CATSPER2: variants seen among roughly 807,000 people sequenced by gnomAD.
CATSPER2 encodes cation channel sperm associated 2.
CATSPER2 carries 56 observed loss-of-function variants against 68.8 expected under a neutral mutation model. The observed-to-expected ratio is 0.81, with a 90% CI of 0.66 to 1.02. The LOEUF is 1.02. Ranked by LOEUF, CATSPER2 falls within the 50% of genes least tolerant of loss-of-function variation. The probability of loss-of-function intolerance (pLI) is 0.00; values close to 1 mark genes in which losing one functional copy is unlikely to be tolerated. For synonymous variants in CATSPER2, 198 were observed against 229.9 expected, an observed-to-expected ratio of 0.86 and a Z score of 1.26; for missense variants, 582 against 642.0, an observed-to-expected ratio of 0.91 and a Z score of 1.01.
intron 4 of CATSPER2, among the ~76,000 whole-genome samples, chr15:43,643,383 ACT>A (rs1442748108): frequency 1.3e-5 from 2 of 150,948 alleles, no homozygotes; most frequent in African/African-American, 4.9e-5. Context: ...ATTCCCACTC[ACT>A]CTGTCGCCCA....
intron 11 of CATSPER2, 170 bp downstream of exon 11, chr15:43,632,547 C>A (rs2085893565): frequency 7.5e-6 from 11 of 1,462,022 alleles, no homozygotes; most frequent in Non-Finnish European, 1.0e-5. Flanking sequence ...GCCACACTTA[C>A]CCGAAGTGAA....
intron 4 of CATSPER2, among the ~76,000 whole-genome samples, chr15:43,641,015 T>C (rs2086062822): frequency 6.6e-6 from 1 of 151,990 alleles, no homozygotes; most frequent in African/African-American, 2.4e-5. Flanking sequence ...TTTAAAACTT[T>C]TCCTTTCTTC....
intron 4 of CATSPER2, among the ~76,000 whole-genome samples, chr15:43,644,696 T>C (rs2141578074): frequency 6.6e-6 from 1 of 152,100 alleles, no homozygotes; most frequent in South Asian, 2.1e-4. Flanking sequence ...GAGAATCTAA[T>C]GCCTGATGAT....
rs28494549 is a variant in CATSPER2, at chr15:43,647,975, A to C, written c.87T>G (p.Ile29Met). The C allele has an allele frequency of 3.1e-6, 5 of 1,613,586 alleles. No homozygotes were observed. The highest frequency in any genetic ancestry group is 2.7e-5 in the African/African-American group (2 of 74,852). Residue 29 changes from isoleucine to methionine, a missense_variant, in exon 2 of 13, where the codon ATT becomes ATG. Coordinates refer to ENST00000396879, the MANE Select transcript of CATSPER2 (RefSeq NM_172095.4). Reference protein sequence around the residue: ...RSRLIDTFSLIEHLQGLSQAV... With the variant: ...RSRLIDTFSLMEHLQGLSQAV... The stretch of plus-strand genomic sequence containing the variant: ...CTTGGCTCAAGCCTTGCAAATGCTC[A>C]ATGAGAGAGAAAGTATCGATGAGAC...
At chr15:43,647,570 C>T in intron 2 of CATSPER2, 103 bp from the exon 3 acceptor site, 2 of 1,064,426 alleles carry the variant, frequency 1.9e-6, no homozygotes, top group Non-Finnish European at 2.9e-6. Context: ...CCCCTAATGC[C>T]TTACTGCTAG....
At chr15:43,648,175 G>A (rs1264726142) in intron 1 of CATSPER2, 112 bp from the exon 2 acceptor site, 1 of 1,259,614 alleles carries the variant, frequency 7.9e-7, no homozygotes, top group East Asian at 2.3e-5. Context: ...ATTCCTTAAT[G>A]TACCCACATC....
chr15:43,637,589 T>C (rs1167222740), intron 7 of CATSPER2: 12 of 152,004 alleles, frequency 7.9e-5, no homozygotes, highest in Admixed American at 7.9e-4. Flanking sequence ...AAAATTCAAG[T>C]TGATTTTCTT....
In CATSPER2 at chr15:43,640,530, A is replaced by C. The variant is rs754276323; in HGVS notation, c.389-34T>G. 40 of 1,612,676 alleles carry C rather than the reference A, an allele frequency of 2.5e-5. No individual in the cohort carries two copies. In the African/African-American group the frequency reaches 4.7e-4, roughly 19 times the overall value. Reference sequence around the variant, plus strand: ...ATAGAGCAAAGGAGGAATAAAAGTTAAGGAAGCTGGAAACCGAATGATGGA... The same window carrying C: ...ATAGAGCAAAGGAGGAATAAAAGTTCAGGAAGCTGGAAACCGAATGATGGA... On this transcript the variant is annotated intron_variant, in intron 4 of 12. Coordinates refer to ENST00000396879, the MANE Select transcript of CATSPER2 (RefSeq NM_172095.4).
intron 10 of CATSPER2, 180 bp from the exon 11 acceptor site, chr15:43,633,114 T>G (rs2085905084): frequency 3.3e-6 from 3 of 907,354 alleles, no homozygotes; most frequent in Non-Finnish European, 4.7e-6. Flanking sequence ...CATCCTTAAC[T>G]CTTCTCTCCC....
At chr15:43,643,742 T>C (rs1475779343) in intron 4 of CATSPER2, among the ~76,000 whole-genome samples, 1 of 152,042 alleles carries the variant, frequency 6.6e-6, no homozygotes, top group Non-Finnish European at 1.5e-5. Flanking sequence ...CCAAAAACTT[T>C]ATATAGCACA....
At chr15:43,646,307 A>G (rs1342050358) in intron 4 of CATSPER2, among the ~76,000 whole-genome samples, 2 of 149,806 alleles carry the variant, frequency 1.3e-5, no homozygotes, top group Non-Finnish European at 3.0e-5. Flanking sequence ...TTTTTTTGAG[A>G]TGGGGTGCAG....
At chr15:43,648,113 C>T (rs747909781) in intron 1 of CATSPER2, 50 bp from the exon 2 acceptor site, 9 of 1,603,264 alleles carry the variant, frequency 5.6e-6, no homozygotes, top group Non-Finnish European at 6.0e-6. Flanking sequence ...TGGAGCTGCA[C>T]CAAGGATTAC....
At chr15:43,640,546 G>C in intron 4 of CATSPER2, 50 bp from the exon 5 acceptor site, 1 of 1,610,846 alleles carries the variant, frequency 6.2e-7, no homozygotes, top group South Asian at 1.1e-5. Flanking sequence ...GCTGGAAACC[G>C]AATGATGGAG....
In CATSPER2 at chr15:43,638,815, C is replaced by T. The variant is rs144487721; in HGVS notation, c.842+89G>A. Reference sequence around the variant, plus strand: ...TATTTCAGTTTCTTGGAATAGACTGCACTTTTTATATTACTATACTTTGGA... The same window carrying T: ...TATTTCAGTTTCTTGGAATAGACTGTACTTTTTATATTACTATACTTTGGA... On this transcript the variant is annotated intron_variant, in intron 7 of 12. Coordinates refer to ENST00000396879, the MANE Select transcript of CATSPER2 (RefSeq NM_172095.4). 547 of 1,484,016 alleles carry T rather than the reference C, an allele frequency of 3.7e-4. 8 individuals carry two copies. In the African/African-American group the frequency reaches 6.3e-3, roughly 17 times the overall value. 91.9% of individuals were successfully genotyped at this position (1,484,016 alleles called of 1,614,324 possible).
At chr15:43,638,314 G>T (rs2086005640) in intron 7 of CATSPER2, among the ~76,000 whole-genome samples, 1 of 84,446 alleles carries the variant, frequency 1.2e-5, no homozygotes, top group African/African-American at 9.0e-5. Flanking sequence ...TTTTGAGATG[G>T]AGTATTGCTC....
rs1348126744 is a variant in CATSPER2 at position 43,648,777 on chromosome 15, C to G, written c.-151G>C. On this transcript the variant is annotated 5_prime_UTR_variant, in exon 1 of 13. Coordinates refer to ENST00000396879, the MANE Select transcript of CATSPER2 (RefSeq NM_172095.4). Reference sequence around the variant, plus strand: ...CCCCATTCCCCGCCCCGCTCGACCCCCAGGTTTCGGCTCACCCCGGGACCC... The same window carrying G: ...CCCCATTCCCCGCCCCGCTCGACCCGCAGGTTTCGGCTCACCCCGGGACCC... 1 of 1,530,758 alleles carries G rather than the reference C, an allele frequency of 6.5e-7. No homozygotes were observed. The highest frequency in any genetic ancestry group is 2.5e-5 in the East Asian group (1 of 40,088). 94.8% of individuals were successfully genotyped at this position (1,530,758 alleles called of 1,614,324 possible).
intron 12 of CATSPER2, 121 bp from the exon 13 acceptor site, chr15:43,630,853 A>G: frequency 6.3e-7 from 1 of 1,586,144 alleles, no homozygotes; most frequent in Non-Finnish European, 8.6e-7. Flanking sequence ...TAATCTTTAA[A>G]TTAAGCCATA....
Position 43,647,093 on chromosome 15 carries a change from G to T in CATSPER2, c.345C>A (p.Ile115=). The change falls in exon 4 of 13, where the codon ATC becomes ATA. Residue 115 remains isoleucine, a synonymous_variant. Transcript: ENST00000396879. ...LECPLFKNFI[I]FLVFLNTIIL... ...TGATCGTATTCAAAAAGACCAGGAA[G>T]ATGATGAAGTTTTTGAAGAGAGGAC... The T allele has an allele frequency of 6.2e-7, 1 of 1,613,002 alleles. No individual in the cohort carries two copies. Among genetic ancestry groups the T allele is most frequent in the Non-Finnish European group, 8.5e-7 (1 of 1,179,116 alleles).
In CATSPER2 at chr15:43,639,047, A is replaced by T. The variant is rs555127142; in HGVS notation, c.718-19T>A. 2.1e-4 allele frequency: 336 copies of T among 1,609,002 alleles called. 2 individuals carry two copies. In the South Asian group the frequency reaches 3.5e-3, roughly 17 times the overall value. On this transcript the variant is annotated intron_variant, in intron 6 of 12. Transcript: ENST00000396879. ...TCATGCTCTAGAGGCCATAACTCTC[A>T]TGTCAGATGTGGGCCAAACTAGGCT...
Sources: gnomAD v4.1 joint callset for allele counts (sites outside exome capture counted in the v4.1 genomes callset) on GRCh38, gnomAD v4.1.1 for gene constraint, MANE v1.5 for transcripts, NCBI Gene and HGNC (gene_info 2026-07-23, HGNC 2026-07-21) for gene names.